Variants in SBF2 observed in about 807,000 individuals in gnomAD.
The protein encoded by SBF2 is SET binding factor 2, also known as myotubularin-related protein 13.
SBF2 carries 112 observed loss-of-function variants against 225.2 expected under a neutral mutation model. The ratio of observed to expected loss-of-function variants is 0.50; its 90% CI spans 0.43 to 0.58. SBF2 has a LOEUF of 0.58. Ranked by LOEUF, SBF2 falls within the 20% of genes least tolerant of loss-of-function variation. SBF2 has a pLI of 0.00. For missense variants in SBF2, 1,996 were observed against 2,206.2 expected, an observed-to-expected ratio of 0.90 and a Z score of 1.91; for synonymous variants, 763 against 773.3, an observed-to-expected ratio of 0.99 and a Z score of 0.22.
At chr11:10,122,031 C>G (rs1192463560) in intron 2 of SBF2, among the ~76,000 whole-genome samples, 1 of 152,152 alleles carries the variant, frequency 6.6e-6, no homozygotes, top group Non-Finnish European at 1.5e-5. Context: ...AGTAGTGATG[C>G]TGGCAATTCA....
intron 17 of SBF2, among the ~76,000 whole-genome samples, chr11:9,888,498 C>T (rs1484202610): frequency 7.5e-6 from 1 of 133,232 alleles, no homozygotes; most frequent in Non-Finnish European, 1.6e-5. Context: ...AGCTAAAAAC[C>T]AGTCTCAAAA....
chr11:9,908,880 G>C (rs1269426607), intron 16 of SBF2, among the ~76,000 whole-genome samples: 1 of 148,294 alleles, frequency 6.7e-6, no homozygotes, highest in African/African-American at 2.5e-5. Flanking sequence ...TAAAGATGAG[G>C]TTCCGCCACG....
chr11:9,833,108 G>A (rs1855494752), intron 26 of SBF2, among the ~76,000 whole-genome samples: 1 of 152,174 alleles, frequency 6.6e-6, no homozygotes, highest in South Asian at 2.1e-4. Flanking sequence ...ATATTAGACT[G>A]CCTGAGATGG....
chr11:10,253,118 CAAAAAAAAAA>C (rs546522229), intron 1 of SBF2, among the ~76,000 whole-genome samples: 2 of 77,262 alleles, frequency 2.6e-5, no homozygotes, highest in South Asian at 5.2e-4. Flanking sequence ...AGGTAAATAC[CAAAAAAAAAA>C]AAAAAAAAAA....
At chr11:10,124,975 G>A (rs1374858055) in intron 2 of SBF2, among the ~76,000 whole-genome samples, 1 of 151,770 alleles carries the variant, frequency 6.6e-6, no homozygotes, top group African/African-American at 2.4e-5. Context: ...CGTGGTGGCA[G>A]GTGCCTGTAA....
chr11:10,016,281 T>C (rs1348805498), intron 6 of SBF2, among the ~76,000 whole-genome samples: 5 of 152,070 alleles, frequency 3.3e-5, no homozygotes. Context: ...AGGGAGGCAA[T>C]GCTATACTAT....
chr11:9,942,014 A>G (rs1460871001), intron 16 of SBF2, among the ~76,000 whole-genome samples: 1 of 152,250 alleles, frequency 6.6e-6, no homozygotes, highest in Non-Finnish European at 1.5e-5. Context: ...AACAACAACA[A>G]AACAGGGCAC....
chr11:10,091,042 T>G (rs1349559315), intron 2 of SBF2, among the ~76,000 whole-genome samples: 1 of 152,180 alleles, frequency 6.6e-6, no homozygotes, highest in East Asian at 1.9e-4. Context: ...TAGGGATTGA[T>G]ACAGCTACTA....
chr11:9,927,404 T>A (rs896280287), intron 16 of SBF2, among the ~76,000 whole-genome samples: 8 of 152,156 alleles, frequency 5.3e-5, no homozygotes, highest in Admixed American at 3.3e-4. Flanking sequence ...AGCAATACCC[T>A]GCTACCAAAA....
intron 16 of SBF2, among the ~76,000 whole-genome samples, chr11:9,955,710 A>AAGT (rs1866116358): frequency 6.6e-6 from 1 of 152,122 alleles, no homozygotes; most frequent in Non-Finnish European, 1.5e-5. Context: ...AAGACATAAA[A>AAGT]TATACATAAG....
intron 36 of SBF2, 165 bp from the exon 37 acceptor site, chr11:9,785,483 G>C: frequency 1.5e-6 from 1 of 653,074 alleles, no homozygotes; most frequent in Non-Finnish European, 2.7e-6. Context: ...TAAAAAACTG[G>C]AAACAACCTA....
chr11:9,919,377 C>T (rs1863406274), intron 16 of SBF2, among the ~76,000 whole-genome samples: 1 of 151,778 alleles, frequency 6.6e-6, no homozygotes, highest in South Asian at 2.1e-4. Context: ...CCTCAGACTC[C>T]GAGTTAAAGA....
intron 2 of SBF2, among the ~76,000 whole-genome samples, chr11:10,129,923 T>C (rs1565263037): frequency 1.3e-5 from 2 of 152,020 alleles, no homozygotes; most frequent in Non-Finnish European, 2.9e-5. Flanking sequence ...GGTGGGAATC[T>C]CATTTGAACC....
Position 9,959,744 on chromosome 11 carries a change from G to A in SBF2, c.1860+2213C>T, listed in dbSNP as rs1866435825. 4 of 678,200 alleles carry A rather than the reference G, an allele frequency of 5.9e-6. No individual in the cohort carries two copies. In the African/African-American group the frequency reaches 7.2e-5, roughly 12 times the overall value. The allele number at this position is 678,200 out of a possible 1,614,324, so 42.0% of individuals were successfully genotyped here. On this transcript the variant is annotated intron_variant, in intron 16 of 39. Transcript: ENST00000256190. ...CCCTGAGGTAGGGACATGTACACCT[G>A]CTTGACGCCTCTGTTTAAGTGGGAG...
At chr11:9,984,664 T>C (rs1294350196) in intron 13 of SBF2, among the ~76,000 whole-genome samples, 1 of 152,144 alleles carries the variant, frequency 6.6e-6, no homozygotes, top group Non-Finnish European at 1.5e-5. Flanking sequence ...GAAAGAATCT[T>C]AAGAGCTATG....
At chr11:9,931,753 A>G (rs1347945255) in intron 16 of SBF2, among the ~76,000 whole-genome samples, 2 of 152,234 alleles carry the variant, frequency 1.3e-5, no homozygotes, top group African/African-American at 2.4e-5. Flanking sequence ...CTCCCCAGCA[A>G]TGGAACAAAG....
intron 6 of SBF2, among the ~76,000 whole-genome samples, chr11:10,004,580 AAAAAAAAAAAAAAAAC>A (rs1192927846): frequency 6.8e-6 from 1 of 148,142 alleles, no homozygotes; most frequent in Admixed American, 6.7e-5. Context: ...AAATTAAAAA[AAAAAAAAAAAAAAAAC>A]AAACTACATA....
intron 1 of SBF2, among the ~76,000 whole-genome samples, chr11:10,276,950 G>A (rs1305262048): frequency 2.6e-5 from 4 of 152,050 alleles, no homozygotes; most frequent in Non-Finnish European, 5.9e-5. Context: ...GTGTAAAACA[G>A]GCTCGGTACA....
intron 17 of SBF2, among the ~76,000 whole-genome samples, chr11:9,872,500 G>A (rs1289244348): frequency 3.3e-5 from 5 of 152,066 alleles, no homozygotes; most frequent in South Asian, 2.1e-4. Flanking sequence ...GTCTAAATAC[G>A]TGAACAGAGA....
Sources: gnomAD v4.1 joint callset for allele counts (sites outside exome capture counted in the v4.1 genomes callset) on GRCh38, gnomAD v4.1.1 for gene constraint, MANE v1.5 for transcripts, NCBI Gene and HGNC (gene_info 2026-07-23, HGNC 2026-07-21) for gene names.